Variants in DDC observed in about 807,000 individuals in gnomAD.
The protein encoded by DDC is dopa decarboxylase.
DDC carries 43 observed loss-of-function variants against 60.0 expected under a neutral mutation model. The ratio of observed to expected loss-of-function variants is 0.72; its 90% CI spans 0.56 to 0.92. The LOEUF is 0.92. Among genes scored for constraint, DDC ranks in the 40% least tolerant of loss-of-function variants. The pLI is 0.00. For missense variants in DDC, 573 were observed against 620.2 expected, an observed-to-expected ratio of 0.92 and a Z score of 0.81; for synonymous variants, 232 against 234.6, an observed-to-expected ratio of 0.99 and a Z score of 0.10.
At chr7:50,466,319 C>T (rs1440823096) in intron 13 of DDC, among the ~76,000 whole-genome samples, 2 of 151,902 alleles carry the variant, frequency 1.3e-5, no homozygotes, top group Non-Finnish European at 2.9e-5. Context: ...GAAACCCCAT[C>T]TCTAAAAATA....
intron 9 of DDC, chr7:50,492,693 A>AACTC: frequency 7.4e-7 from 1 of 1,347,868 alleles, no homozygotes; most frequent in Non-Finnish European, 9.6e-7. Flanking sequence ...AATTTTCCAA[A>AACTC]TGGCCTTTTC....
chr7:50,481,768 T>C (rs1350342318), intron 9 of DDC, among the ~76,000 whole-genome samples: 1 of 152,208 alleles, frequency 6.6e-6, no homozygotes, highest in Non-Finnish European at 1.5e-5. Context: ...CTAAGCAATC[T>C]ATATTATTTT....
intron 6 of DDC, 79 bp from the exon 7 acceptor site, chr7:50,504,138 C>T: frequency 1.0e-6 from 1 of 1,001,446 alleles, no homozygotes; most frequent in Non-Finnish European, 1.6e-6. Flanking sequence ...CAACTGCTGC[C>T]CCATGGTCCA....
chr7:50,466,094 C>T (rs1026135747), intron 13 of DDC, among the ~76,000 whole-genome samples: 2 of 152,196 alleles, frequency 1.3e-5, no homozygotes, highest in Non-Finnish European at 2.9e-5. Flanking sequence ...TGACTGGCAG[C>T]CCCTTGACAA....
rs186013357 is a variant in DDC, at chr7:50,532,316, G to A, written c.436-2974C>T. ...GCTCACAGGAAGATTGTGTTAAAGC[G>A]GGGGCTGAGAGATGCCAGGAATATT... is the stretch of plus-strand genomic sequence containing the variant. On this transcript the variant is annotated intron_variant, in intron 4 of 14. Coordinates refer to ENST00000444124, the MANE Select transcript of DDC (RefSeq NM_001082971.2). Among the ~76,000 whole-genome samples, 548 of 152,328 alleles carry A rather than the reference G, an allele frequency of 3.6e-3. 1 individual carries two copies. The highest frequency in any genetic ancestry group is 0.013 in the African/African-American group (522 of 41,576).
At chr7:50,503,345 A>G (rs1043415886) in intron 7 of DDC, among the ~76,000 whole-genome samples, 10 of 152,220 alleles carry the variant, frequency 6.6e-5, no homozygotes, top group African/African-American at 2.4e-4. Flanking sequence ...TCCCAGAGCT[A>G]CATGTCAAAG....
chr7:50,536,481 G>T (rs1203852051), intron 4 of DDC, among the ~76,000 whole-genome samples: 1 of 152,192 alleles, frequency 6.6e-6, no homozygotes, highest in East Asian at 1.9e-4. Context: ...CAAAAGAAAG[G>T]TCAGAAAGAT....
At chr7:50,521,981 G>A (rs78273025) in intron 6 of DDC, among the ~76,000 whole-genome samples, 1 of 151,682 alleles carries the variant, frequency 6.6e-6, no homozygotes. Context: ...TGGAAGGAAA[G>A]AAAAAAAGTA....
Position 50,537,836 on chromosome 7 carries a change from T to G in DDC, c.435+24A>C, listed in dbSNP as rs200011522. 1.0e-3 allele frequency: 1,685 copies of G among 1,614,060 alleles called. 7 individuals are homozygous for G. Among genetic ancestry groups the G allele is most frequent in the Middle Eastern group, 9.4e-3 (57 of 6,062 alleles). ...GTGCAGAGCCCATGCATCCCAAAAG[T>G]GGCCCTCACAGCTCCCACCTTACCT... On this transcript the variant is annotated intron_variant, in intron 4 of 14. Transcript: ENST00000444124.
chr7:50,466,783 A>G (rs1470898904), intron 13 of DDC, among the ~76,000 whole-genome samples: 3 of 152,254 alleles, frequency 2.0e-5, no homozygotes, highest in Non-Finnish European at 4.4e-5. Context: ...CGCAGCCAGC[A>G]GCTCTAGGGT....
At chr7:50,494,551 A>T (rs1009534576) in intron 9 of DDC, among the ~76,000 whole-genome samples, 1 of 151,294 alleles carries the variant, frequency 6.6e-6, no homozygotes, top group African/African-American at 2.4e-5. Flanking sequence ...AGATCGCACC[A>T]CTGCACTCCA....
chr7:50,534,527 G>T (rs1025305365), intron 4 of DDC, among the ~76,000 whole-genome samples: 2 of 152,132 alleles, frequency 1.3e-5, no homozygotes, highest in African/African-American at 4.8e-5. Context: ...GAACCGGGAG[G>T]CAGTGGTTGC....
intron 3 of DDC, 141 bp from the exon 4 acceptor site, chr7:50,538,120 G>T: frequency 1.9e-6 from 2 of 1,054,680 alleles, no homozygotes; most frequent in African/African-American, 1.6e-5. Flanking sequence ...AGGCCTGAAG[G>T]CTGTTTGACC....
intron 4 of DDC, among the ~76,000 whole-genome samples, chr7:50,536,775 C>T (rs972819038): frequency 9.2e-5 from 14 of 152,220 alleles, no homozygotes; most frequent in Non-Finnish European, 1.9e-4. Flanking sequence ...AGTGGAGAGA[C>T]TTGCTTGCTA....
At position 50,470,104 on chromosome 7, in the gene DDC, C is replaced by T. The variant is rs2042496039; in HGVS notation, c.1109G>A (p.Gly370Glu). 1 of 1,613,166 alleles carries T rather than the reference C, an allele frequency of 6.2e-7. No homozygotes were observed. Among genetic ancestry groups the T allele is most frequent in the Non-Finnish European group, 8.5e-7 (1 of 1,179,146 alleles). ...LKMWFVFRMY[G>E]VKGLQAYIRK... ...GATATAAGCCTGCAGTCCTTTGACT[C>T]CATACATCCTAAATACAAACCACAT... The change falls in exon 12 of 15, where the codon GGA (glycine) becomes GAA (glutamate). Residue 370 changes from glycine (G) to glutamate (E), a missense_variant. Physicochemically the swap from Gly to Glu is moderately conservative, Grantham distance 98. Transcript: ENST00000444124.
intron 1 of DDC, among the ~76,000 whole-genome samples, chr7:50,549,061 G>A: frequency 6.6e-6 from 1 of 152,216 alleles, no homozygotes; most frequent in East Asian, 1.9e-4. Context: ...AATATTTGAA[G>A]ACTATTGTTG....
intron 14 of DDC, among the ~76,000 whole-genome samples, chr7:50,459,193 G>A (rs149494373): frequency 1.6e-4 from 24 of 152,212 alleles, no homozygotes; most frequent in Middle Eastern, 3.2e-3. Flanking sequence ...TCCAAACTGC[G>A]AGTGATCCGC....
intron 6 of DDC, among the ~76,000 whole-genome samples, chr7:50,510,443 C>T (rs1585206376): frequency 6.6e-6 from 1 of 152,082 alleles, no homozygotes; most frequent in South Asian, 2.1e-4. Context: ...CCAAGGCTGG[C>T]AGATCACTTG....
chr7:50,532,198 C>A (rs527438717), intron 4 of DDC, among the ~76,000 whole-genome samples: 3 of 152,284 alleles, frequency 2.0e-5, no homozygotes, highest in Admixed American at 1.3e-4. Flanking sequence ...CAATTACAGA[C>A]AATCAGCCTT....
Sources: gnomAD v4.1 joint callset for allele counts (sites outside exome capture counted in the v4.1 genomes callset) on GRCh38, gnomAD v4.1.1 for gene constraint, MANE v1.5 for transcripts, NCBI Gene and HGNC (gene_info 2026-07-23, HGNC 2026-07-21) for gene names.